Variants in AQP7B observed in about 807,000 individuals in gnomAD.
The protein encoded by AQP7B is aquaporin 7B, also known as putative aquaporin-7B.
At chr2:94,594,833 G>C in the AQP7B span, 2 of 1,558,024 alleles carry the variant, frequency 1.3e-6, no homozygotes, top group Admixed American at 1.7e-5. Flanking sequence ...AAGATGGTGC[G>C]AGAGTTCTTG....
the AQP7B span, among the ~76,000 whole-genome samples, chr2:94,593,354 C>T: frequency 1.3e-4 from 20 of 151,764 alleles, no homozygotes; most frequent in African/African-American, 4.1e-4. Flanking sequence ...TAAGGCAGTA[C>T]GTGATGTGCA....
chr2:94,595,006 A>T, the AQP7B span: 1 of 564,828 alleles, frequency 1.8e-6, no homozygotes, highest in Non-Finnish European at 3.2e-6. Context: ...GCAGTGAGGA[A>T]AGTAAGGAGT....
At chr2:94,603,460 C>T in the AQP7B span, 12 of 1,611,856 alleles carry the variant, frequency 7.4e-6, no homozygotes, top group East Asian at 4.5e-5. Flanking sequence ...TGCCACCTAC[C>T]TTCCTGATCA....
the AQP7B span, chr2:94,603,142 T>C: frequency 1.9e-6 from 3 of 1,540,206 alleles, no homozygotes; most frequent in Non-Finnish European, 2.7e-6. Flanking sequence ...GGCTCCTTCC[T>C]GGCAGCTGCC....
At chr2:94,588,162 G>A in the AQP7B span, among the ~76,000 whole-genome samples, 26 of 152,148 alleles carry the variant, frequency 1.7e-4, no homozygotes, top group Non-Finnish European at 1.6e-4. Flanking sequence ...TGAGGTTAAA[G>A]GTGTAGCACG....
At chr2:94,597,790 A>AT in the AQP7B span, among the ~76,000 whole-genome samples, 1 of 151,998 alleles carries the variant, frequency 6.6e-6, no homozygotes, top group Non-Finnish European at 1.5e-5. Flanking sequence ...TTTTTAGGAA[A>AT]TACAAGGTTT....
At chr2:94,600,004 G>T in the AQP7B span, among the ~76,000 whole-genome samples, 1 of 151,728 alleles carries the variant, frequency 6.6e-6, no homozygotes, top group African/African-American at 2.4e-5. Flanking sequence ...TCAGCCTCCT[G>T]AGTAGCTGGG....
chr2:94,590,490 C>G, the AQP7B span, among the ~76,000 whole-genome samples: 1 of 152,086 alleles, frequency 6.6e-6, no homozygotes, highest in Non-Finnish European at 1.5e-5. Flanking sequence ...GCCTGGCCAA[C>G]AAATGTTTGT....
chr2:94,601,759 A>G, the AQP7B span, among the ~76,000 whole-genome samples: 137 of 151,794 alleles, frequency 9.0e-4, no homozygotes, highest in South Asian at 4.8e-3. Context: ...TCAATGGGAG[A>G]ATGGAAGGTA....
At chr2:94,588,983 C>CTTTT in the AQP7B span, among the ~76,000 whole-genome samples, 1 of 135,400 alleles carries the variant, frequency 7.4e-6, no homozygotes, top group Non-Finnish European at 1.6e-5. Context: ...GTTTTTTTTT[C>CTTTT]TTTTTTTTTT....
the AQP7B span, chr2:94,602,684 C>A: frequency 6.9e-7 from 1 of 1,449,692 alleles, no homozygotes; most frequent in Non-Finnish European, 9.5e-7. Context: ...TCCTGCCCAC[C>A]TCAGCCAGCT....
At chr2:94,590,674 G>A in the AQP7B span, among the ~76,000 whole-genome samples, 5 of 152,206 alleles carry the variant, frequency 3.3e-5, no homozygotes, top group Non-Finnish European at 7.4e-5. Flanking sequence ...CGGGCATGGT[G>A]GCTCACGCCT....
At chr2:94,602,168 G>A in the AQP7B span, among the ~76,000 whole-genome samples, 3 of 151,950 alleles carry the variant, frequency 2.0e-5, no homozygotes, top group African/African-American at 7.2e-5. Context: ...ATGCATGCCA[G>A]CCATCCCCTC....
the AQP7B span, among the ~76,000 whole-genome samples, chr2:94,592,798 G>T: frequency 6.8e-4 from 75 of 110,034 alleles, no homozygotes; most frequent in Non-Finnish European, 1.1e-3. Context: ...AAGAAAAACT[G>T]TTAATTAATT....
At chr2:94,603,918 A>G in the AQP7B span, 2 of 1,288,474 alleles carry the variant, frequency 1.6e-6, no homozygotes, top group South Asian at 2.6e-5. Flanking sequence ...GCTGGGGCAA[A>G]CAGGTCTTCA....
the AQP7B span, among the ~76,000 whole-genome samples, chr2:94,589,197 T>A: frequency 6.7e-6 from 1 of 149,734 alleles, no homozygotes; most frequent in African/African-American, 2.5e-5. Flanking sequence ...TTAGTAGAAA[T>A]GGGGTTTCGC....
the AQP7B span, among the ~76,000 whole-genome samples, chr2:94,590,274 T>C: frequency 6.4e-3 from 969 of 152,338 alleles, 5 homozygotes; most frequent in Non-Finnish European, 9.7e-3. Flanking sequence ...CTTCTGCTTC[T>C]TGGGCTCAAG....
chr2:94,603,860 T>G, the AQP7B span: 13 of 1,425,106 alleles, frequency 9.1e-6, no homozygotes, highest in Middle Eastern at 1.4e-3. Context: ...GGATATGCCA[T>G]CAATCCATCC....
chr2:94,599,082 G>A, the AQP7B span, among the ~76,000 whole-genome samples: 12 of 152,244 alleles, frequency 7.9e-5, no homozygotes, highest in East Asian at 1.2e-3. Context: ...GATTACAGGC[G>A]TGAGCCAACA....
Sources: gnomAD v4.1 joint callset for allele counts (sites outside exome capture counted in the v4.1 genomes callset) on GRCh38, gnomAD v4.1.1 for gene constraint, MANE v1.5 for transcripts, NCBI Gene and HGNC (gene_info 2026-07-23, HGNC 2026-07-21) for gene names.